The following NTM variants were observed in gnomAD, a reference collection of about 807,000 sequenced individuals.
NTM encodes neurotrimin.
A neutral mutation model predicts 42.1 loss-of-function variants in NTM; 13 were observed. That is an observed-to-expected ratio of 0.31 (90% CI 0.20 to 0.49). NTM has a LOEUF of 0.49. NTM is among the 20% of genes least tolerant of loss of function. NTM has a pLI of 0.99. For synonymous variants in NTM, 187 were observed against 179.2 expected, an observed-to-expected ratio of 1.04 and a Z score of -0.35; for missense variants, 373 against 452.8, an observed-to-expected ratio of 0.82 and a Z score of 1.60.
At chr11:131,720,921 G>T (rs1197734169) in intron 1 of NTM, among the ~76,000 whole-genome samples, 1 of 152,152 alleles carries the variant, frequency 6.6e-6, no homozygotes, top group African/African-American at 2.4e-5. Context: ...AGAGAACTTA[G>T]ATGAATGTTT....
chr11:131,880,717 A>T (rs2049331117), intron 1 of NTM, among the ~76,000 whole-genome samples: 1 of 152,178 alleles, frequency 6.6e-6, no homozygotes, highest in Non-Finnish European at 1.5e-5. Context: ...TCCGGCGTTC[A>T]ATTTATAGCC....
intron 1 of NTM, among the ~76,000 whole-genome samples, chr11:131,399,789 G>T (rs1167478970): frequency 6.6e-6 from 1 of 152,134 alleles, no homozygotes; most frequent in Non-Finnish European, 1.5e-5. Context: ...CACCTGACTG[G>T]CTGGCTTTCC....
At chr11:131,614,175 C>A (rs763049348) in intron 1 of NTM, among the ~76,000 whole-genome samples, 1 of 152,148 alleles carries the variant, frequency 6.6e-6, no homozygotes, top group Non-Finnish European at 1.5e-5. Context: ...CCTCCCTCAG[C>A]GGGAGCTCCC....
At chr11:131,959,598 T>C (rs1379787141) in intron 2 of NTM, among the ~76,000 whole-genome samples, 1 of 152,336 alleles carries the variant, frequency 6.6e-6, no homozygotes, top group Non-Finnish European at 1.5e-5. Context: ...GTCACACCAC[T>C]GCACTCCAGC....
chr11:131,804,968 G>T (rs2092397439), intron 1 of NTM, among the ~76,000 whole-genome samples: 1 of 152,134 alleles, frequency 6.6e-6, no homozygotes, highest in Non-Finnish European at 1.5e-5. Flanking sequence ...CTCTTGGAAG[G>T]GATGACATCA....
intron 1 of NTM, among the ~76,000 whole-genome samples, chr11:131,475,084 T>C (rs910657299): frequency 6.6e-6 from 1 of 152,158 alleles, no homozygotes; most frequent in Non-Finnish European, 1.5e-5. Context: ...CTGAAACATC[T>C]CTCTTCCTCT....
chr11:131,435,127 C>G (rs901384733), intron 1 of NTM, among the ~76,000 whole-genome samples: 1 of 152,144 alleles, frequency 6.6e-6, no homozygotes, highest in African/African-American at 2.4e-5. Flanking sequence ...TCTGAGGCCT[C>G]TGTTCTGTTC....
Position 131,592,647 on chromosome 11 carries a change from A to AACACACACAC in NTM, c.82+221790_82+221799dup, listed in dbSNP as rs3040142. The stretch of plus-strand genomic sequence containing the variant: ...AACACAAATACACACACACACCCCA[A>AACACACACAC]ACACACACACACACACACACACACA... On this transcript the variant is annotated intron_variant, in intron 1 of 8. Coordinates refer to ENST00000683400, the MANE Select transcript of NTM (RefSeq NM_001352005.2). Among the ~76,000 whole-genome samples the AACACACACAC allele has an allele frequency of 2.6e-3, 368 of 140,772 alleles. 6 individuals carry two copies. Among genetic ancestry groups the AACACACACAC allele is most frequent in the Middle Eastern group, 0.011 (3 of 276 alleles). The allele number at this position is 140,772 out of a possible 152,430, so 92.4% of individuals were successfully genotyped here. A position where few individuals can be genotyped will look rare whatever the true frequency, so the allele number is the denominator to read the frequency against.
rs555887936 is a variant in NTM, at chr11:131,844,883, T to C, written c.83-66681T>C. Among the ~76,000 whole-genome samples the C allele has an allele frequency of 9.2e-5, 14 of 152,320 alleles. No homozygotes were observed. The East Asian group carries it at 2.5e-3, about 27-fold the overall frequency. The stretch of plus-strand genomic sequence containing the variant: ...ATTAGATTCACTTGGATTTCCTACA[T>C]AGATAATCATATCATTAGGCAGTTT... On this transcript the variant is annotated intron_variant, in intron 1 of 8. Coordinates refer to ENST00000683400, the MANE Select transcript of NTM (RefSeq NM_001352005.2).
chr11:131,954,463 T>G (rs1354364205), intron 2 of NTM, among the ~76,000 whole-genome samples: 1 of 152,092 alleles, frequency 6.6e-6, no homozygotes, highest in Non-Finnish European at 1.5e-5. Flanking sequence ...CTTCACTGGG[T>G]CCACATTAGG....
At chr11:132,332,615 G>A (rs2095820447) in intron 8 of NTM, 1 of 152,338 alleles carries the variant, frequency 6.6e-6, no homozygotes, top group Non-Finnish European at 1.5e-5. Flanking sequence ...GGCGTAGCAA[G>A]GAGACCAAAC....
chr11:132,117,286 G>C lies in NTM; in HGVS notation c.168-28996G>C, dbSNP rs563230166. 6.6e-5 allele frequency among the ~76,000 whole-genome samples: 10 copies of C among 152,282 alleles called. No homozygotes were observed. In the East Asian group the frequency reaches 1.9e-3, roughly 29 times the overall value. ...ATAAGGGAAGGGAGCATTGCTTTTT[G>C]TTTCTTCTCTAGTTGATTGAGTTTG... On this transcript the variant is annotated intron_variant, in intron 2 of 8. Transcript: ENST00000683400.
At chr11:131,728,091 A>G (rs992930967) in intron 1 of NTM, among the ~76,000 whole-genome samples, 1 of 152,174 alleles carries the variant, frequency 6.6e-6, no homozygotes, top group Non-Finnish European at 1.5e-5. Flanking sequence ...GTATAGTGGA[A>G]TGTAAAGACG....
chr11:131,424,595 C>CTTTTTTT (rs1446801058), intron 1 of NTM, among the ~76,000 whole-genome samples: 22 of 39,604 alleles, frequency 5.6e-4, no homozygotes, highest in African/African-American at 1.7e-3. Context: ...TATTTCTTTT[C>CTTTTTTT]TTTTCTTTTT....
At chr11:131,544,828 G>A (rs2053716993) in intron 1 of NTM, among the ~76,000 whole-genome samples, 1 of 152,214 alleles carries the variant, frequency 6.6e-6, no homozygotes, top group Non-Finnish European at 1.5e-5. Flanking sequence ...GAGCCCTCCA[G>A]GCGAATCTCT....
At chr11:131,718,491 G>T (rs558737663) in intron 1 of NTM, among the ~76,000 whole-genome samples, 2 of 152,104 alleles carry the variant, frequency 1.3e-5, no homozygotes, top group East Asian at 3.9e-4. Context: ...AATGCCTCAT[G>T]AATTATTGGG....
intron 1 of NTM, among the ~76,000 whole-genome samples, chr11:131,798,653 T>G (rs894515727): frequency 6.6e-6 from 1 of 152,244 alleles, no homozygotes; most frequent in Non-Finnish European, 1.5e-5. Flanking sequence ...TTGATTTGTA[T>G]CCATAAAACA....
At chr11:131,802,001 A>G (rs984094066) in intron 1 of NTM, among the ~76,000 whole-genome samples, 6 of 97,034 alleles carry the variant, frequency 6.2e-5, no homozygotes, top group Non-Finnish European at 1.4e-4. Context: ...TCAGGGAGAC[A>G]TGCCTTGTAT....
intron 1 of NTM, among the ~76,000 whole-genome samples, chr11:131,749,581 C>T (rs182842186): frequency 1.3e-5 from 2 of 152,252 alleles, no homozygotes; most frequent in Admixed American, 1.3e-4. Flanking sequence ...CCTGCATTGT[C>T]ACTGTTTTTT....
Sources: allele counts gnomAD v4.1 joint callset (sites outside exome capture counted in the v4.1 genomes callset), GRCh38; gene constraint gnomAD v4.1.1; transcripts MANE v1.5; gene names NCBI Gene and HGNC (gene_info 2026-07-23, HGNC 2026-07-21).